GLIS3: variants seen among roughly 807,000 people sequenced by gnomAD.
GLIS3 encodes the protein GLIS family zinc finger 3.
A neutral mutation model predicts 78.6 loss-of-function variants in GLIS3; 53 were observed. The observed-to-expected ratio is 0.67, with a 90% confidence interval of 0.54 to 0.85. GLIS3 has a LOEUF of 0.85. Ranked by LOEUF, GLIS3 falls within the 40% of genes least tolerant of loss-of-function variation. The pLI, the probability that GLIS3 is intolerant of heterozygous loss-of-function variation, is 0.00. For missense variants in GLIS3, 1,703 were observed against 1,231.1 expected (o/e 1.38, Z -5.74); for synonymous variants, 684 against 509.9 (o/e 1.34, Z -4.60).
chr9:4,237,140 C>T (rs1330733446), intron 2 of GLIS3, among the ~76,000 whole-genome samples: 3 of 149,796 alleles, frequency 2.0e-5, no homozygotes, highest in African/African-American at 7.3e-5. Context: ...AAAAATAATC[C>T]TAAGGAAATA....
chr9:4,084,017 G>C (rs1828780269), intron 4 of GLIS3, among the ~76,000 whole-genome samples: 1 of 152,122 alleles, frequency 6.6e-6, no homozygotes, highest in South Asian at 2.1e-4. Flanking sequence ...AGTTCAGATG[G>C]AGCTGCTCAA....
the GLIS3 span, among the ~76,000 whole-genome samples, chr9:4,363,842 A>G: frequency 3.9e-5 from 6 of 152,238 alleles, no homozygotes; most frequent in African/African-American, 1.4e-4. Context: ...CAAGAGCTGG[A>G]TGGCTGTTGA....
At chr9:4,084,296 A>ACACACACACACACACAC (rs1564025137) in intron 4 of GLIS3, among the ~76,000 whole-genome samples, 4 of 48,784 alleles carry the variant, frequency 8.2e-5, no homozygotes, top group Non-Finnish European at 1.6e-4. Context: ...CACACACACA[A>ACACACACACACACACAC]ATTCCTAGCC....
chr9:4,116,340 T>C (rs1831636612), intron 4 of GLIS3, among the ~76,000 whole-genome samples: 2 of 152,224 alleles, frequency 1.3e-5, no homozygotes, highest in Admixed American at 1.3e-4. Flanking sequence ...TGTGGCATTT[T>C]TAATGCAGAA....
chr9:4,318,428 G>A (rs757500274), intron 2 of GLIS3, among the ~76,000 whole-genome samples: 18 of 152,268 alleles, frequency 1.2e-4, no homozygotes, highest in Admixed American at 5.2e-4. Flanking sequence ...GACTAGGGCA[G>A]GGAAAGTACA....
intron 9 of GLIS3, among the ~76,000 whole-genome samples, chr9:3,831,518 C>T (rs536115580): frequency 4.1e-4 from 62 of 152,312 alleles, no homozygotes; most frequent in African/African-American, 1.4e-3. Flanking sequence ...ATGTTGTAGA[C>T]ATTGCAAGAG....
At chr9:3,829,632 C>A (rs1390860855) in intron 9 of GLIS3, 140 bp from the exon 10 acceptor site, 6 of 776,052 alleles carry the variant, frequency 7.7e-6, no homozygotes, top group South Asian at 1.5e-5. Context: ...TAGAATCTTC[C>A]AAGCAAACAT....
chr9:4,013,561 G>A (rs1265434624), intron 4 of GLIS3, among the ~76,000 whole-genome samples: 1 of 152,194 alleles, frequency 6.6e-6, no homozygotes, highest in African/African-American at 2.4e-5. Flanking sequence ...ACAGGGCCTA[G>A]CACAGAGCAG....
chr9:4,297,570 G>C (rs1021024121), intron 1 of GLIS3, among the ~76,000 whole-genome samples: 1 of 152,194 alleles, frequency 6.6e-6, no homozygotes, highest in African/African-American at 2.4e-5. Flanking sequence ...TGGTTCTGCC[G>C]GCTCGGGGAG....
intron 9 of GLIS3, among the ~76,000 whole-genome samples, chr9:3,843,863 A>T (rs1818873447): frequency 6.6e-6 from 1 of 152,184 alleles, no homozygotes; most frequent in Admixed American, 6.5e-5. Context: ...TTGGTGATGA[A>T]CGTAAGAAGG....
the GLIS3 span, among the ~76,000 whole-genome samples, chr9:4,479,724 G>A: frequency 4.2e-4 from 64 of 152,098 alleles, no homozygotes; most frequent in East Asian, 0.011. Context: ...AGGTTAGGAA[G>A]GGGCAACCTG....
Position 4,256,643 on chromosome 9 carries a change from G to A in GLIS3, c.388+29395C>T, listed in dbSNP as rs552026475. ...GATCATCATCAGAGAGGTAGTAAAA[G>A]GTCTACGTAACACAATTCACATTAA... On this transcript the variant is annotated intron_variant, in intron 2 of 10. Coordinates refer to ENST00000381971, the MANE Select transcript of GLIS3 (RefSeq NM_001042413.2). Among the ~76,000 whole-genome samples the A allele has an allele frequency of 2.0e-5, 3 of 152,196 alleles. No homozygotes were observed. In the South Asian group the frequency reaches 6.2e-4, roughly 32 times the overall value.
intron 4 of GLIS3, among the ~76,000 whole-genome samples, chr9:3,999,300 T>C (rs558004806): frequency 6.6e-6 from 1 of 152,262 alleles, no homozygotes; most frequent in Non-Finnish European, 1.5e-5. Flanking sequence ...CCTTTAAAAG[T>C]GAAATTGTTA....
chr9:4,156,924 A>C (rs568028179), intron 2 of GLIS3, among the ~76,000 whole-genome samples: 3 of 152,316 alleles, frequency 2.0e-5, no homozygotes, highest in African/African-American at 7.2e-5. Context: ...TCAGAAATGC[A>C]AAGTTTCTGT....
At chr9:4,235,025 G>A (rs150513108) in intron 2 of GLIS3, among the ~76,000 whole-genome samples, 5 of 152,216 alleles carry the variant, frequency 3.3e-5, no homozygotes, top group East Asian at 3.9e-4. Context: ...GGAGCCAGGC[G>A]CGGTGGCTCA....
At chr9:4,223,535 C>T (rs551692957) in intron 2 of GLIS3, among the ~76,000 whole-genome samples, 253 of 151,254 alleles carry the variant, frequency 1.7e-3, no homozygotes, top group Admixed American at 4.4e-3. Flanking sequence ...CCTGGGTCCC[C>T]TGTTTATTCT....
chr9:4,219,786 T>C (rs1045804585), intron 2 of GLIS3, among the ~76,000 whole-genome samples: 1 of 152,106 alleles, frequency 6.6e-6, no homozygotes, highest in East Asian at 1.9e-4. Context: ...GTGCAGCAGG[T>C]CCACGCAGAG....
chr9:3,939,857 A>G (rs1025177177), intron 4 of GLIS3, among the ~76,000 whole-genome samples: 1 of 152,228 alleles, frequency 6.6e-6, no homozygotes, highest in East Asian at 1.9e-4. Context: ...GGAACCATGG[A>G]ACCCAAGACC....
At chr9:4,214,804 C>T (rs1820676402) in intron 2 of GLIS3, among the ~76,000 whole-genome samples, 1 of 152,246 alleles carries the variant, frequency 6.6e-6, no homozygotes, top group South Asian at 2.1e-4. Context: ...AGCTGGGAAA[C>T]ATGTTAGAAT....
Sources: gnomAD v4.1 joint callset for allele counts (sites outside exome capture counted in the v4.1 genomes callset) on GRCh38, gnomAD v4.1.1 for gene constraint, MANE v1.5 for transcripts, NCBI Gene and HGNC (gene_info 2026-07-23, HGNC 2026-07-21) for gene names.